Variants in NEMP2 observed in about 807,000 individuals in gnomAD.
NEMP2 encodes the protein UPF0571 transmembrane protein.
NEMP2 carries 53 observed loss-of-function variants against 54.2 expected under a neutral mutation model. The observed-to-expected ratio is 0.98, with a 90% CI of 0.78 to 1.23. The LOEUF is 1.23. NEMP2 is among the 50% of genes most tolerant of loss of function. The pLI is 0.00. For synonymous variants in NEMP2, 197 were observed against 190.3 expected, an observed-to-expected ratio of 1.04 and a Z score of -0.29; for missense variants, 455 against 511.3, an observed-to-expected ratio of 0.89 and a Z score of 1.06.
chr2:190,578,490 C>T, the NEMP2 span, among the ~76,000 whole-genome samples: 2 of 151,678 alleles, frequency 1.3e-5, no homozygotes, highest in East Asian at 1.9e-4. The surrounding 1 kb of genome is among the most constrained non-coding windows in gnomAD (Gnocchi z 4.4). Flanking sequence ...GCAGGTGGGC[C>T]GGGATGAGGT....
Position 190,525,354 on chromosome 2 carries a change from T to G in NEMP2, c.122A>C (p.Glu41Ala), listed in dbSNP as rs1690895573. 6.5e-7 allele frequency: 1 copy of G among 1,548,222 alleles called. No individual in the cohort carries two copies. The highest frequency in any genetic ancestry group is 2.0e-5 in the Admixed American group (1 of 50,938). ...LSVRRCKALK[E>A]KDLIRTSESD... Reference sequence around the variant, plus strand: ...CTCAGACGTTCTAATTAAATCTTTTTCCTTCAAAGCTTTACACCTACGAAC... The same window carrying G: ...CTCAGACGTTCTAATTAAATCTTTTGCCTTCAAAGCTTTACACCTACGAAC... The change falls in exon 2 of 9, where the codon GAA (glutamate) becomes GCA (alanine). Residue 41 changes from glutamate to alanine, a missense_variant. Coordinates refer to ENST00000409150, the MANE Select transcript of NEMP2 (RefSeq NM_001142645.2). This position sits in a 1 kb window ranked among gnomAD's most constrained non-coding sequence, Gnocchi z 5.0.
At chr2:190,603,339 G>A in the NEMP2 span, among the ~76,000 whole-genome samples, 2 of 151,994 alleles carry the variant, frequency 1.3e-5, no homozygotes, top group Non-Finnish European at 2.9e-5. Context: ...TTGACATTCA[G>A]AGATTTTTGA....
the NEMP2 span, among the ~76,000 whole-genome samples, chr2:190,476,971 G>A: frequency 4.3e-4 from 63 of 146,632 alleles, 2 homozygotes; most frequent in African/African-American, 1.3e-3. Context: ...ACCAAACACC[G>A]CATGTTCTCA....
chr2:190,438,075 CATG>C, the NEMP2 span, among the ~76,000 whole-genome samples: 3 of 152,102 alleles, frequency 2.0e-5, no homozygotes, highest in Non-Finnish European at 2.9e-5. The surrounding 1 kb of genome is among the most constrained non-coding windows in gnomAD (Gnocchi z 5.2). Context: ...TCCCTAATTC[CATG>C]ATATTACATG....
chr2:190,579,926 C>A, the NEMP2 span, among the ~76,000 whole-genome samples: 3 of 152,192 alleles, frequency 2.0e-5, no homozygotes, highest in East Asian at 5.8e-4. Context: ...TCAGACATAT[C>A]CCAGGTCTCC....
the NEMP2 span, among the ~76,000 whole-genome samples, chr2:190,578,101 G>A: frequency 6.6e-6 from 1 of 152,088 alleles, no homozygotes; most frequent in Non-Finnish European, 1.5e-5. The surrounding 1 kb of genome is among the most constrained non-coding windows in gnomAD (Gnocchi z 4.4). Flanking sequence ...TATCTTCTGT[G>A]GGGTCTCCTG....
Position 190,525,828 on chromosome 2 carries a change from A to G in NEMP2, c.98-450T>C, listed in dbSNP as rs1690913131. On this transcript the variant is annotated intron_variant, in intron 1 of 8. Transcript: ENST00000409150. This position sits in a 1 kb window ranked among gnomAD's most constrained non-coding sequence, Gnocchi z 5.0. Reference sequence around the variant, plus strand: ...TTCAGTTTAGAGATATTGGATTCTTATATTGGTAAGGGAGCATGGATGGAA... The same window carrying G: ...TTCAGTTTAGAGATATTGGATTCTTGTATTGGTAAGGGAGCATGGATGGAA... Among the ~76,000 whole-genome samples, 1 of 152,184 alleles carries G rather than the reference A, an allele frequency of 6.6e-6. No individual in the cohort carries two copies.
chr2:190,600,255 A>G, the NEMP2 span, among the ~76,000 whole-genome samples: 1 of 152,154 alleles, frequency 6.6e-6, no homozygotes, highest in African/African-American at 2.4e-5. The surrounding 1 kb of genome is among the most constrained non-coding windows in gnomAD (Gnocchi z 4.9). Flanking sequence ...AGGAGAAGGA[A>G]GAAATAGGTT....
chr2:190,525,369 C>T lies in NEMP2; in HGVS notation c.107G>A (p.Cys36Tyr), dbSNP rs774588641. 1.9e-5 allele frequency: 29 copies of T among 1,516,270 alleles called. No individual in the cohort carries two copies. The highest frequency in any genetic ancestry group is 4.9e-5 in the South Asian group (4 of 82,146). 93.9% of individuals were successfully genotyped at this position (1,516,270 alleles called of 1,614,324 possible). A position where few individuals can be genotyped will look rare whatever the true frequency, so the allele number is the denominator to read the frequency against. The change falls in exon 2 of 9, where the codon TGT (cysteine) becomes TAT (tyrosine). Residue 36 changes from cysteine to tyrosine, a missense_variant. Physicochemically the swap from Cys to Tyr is radical, Grantham distance 194. This residue lies in a region of NEMP2 where 100 missense variants were observed against 80.2 expected (regional missense o/e 1.25). Coordinates refer to ENST00000409150, the MANE Select transcript of NEMP2 (RefSeq NM_001142645.2). This position sits in a 1 kb window ranked among gnomAD's most constrained non-coding sequence, Gnocchi z 5.0. ...TAAATCTTTTTCCTTCAAAGCTTTA[C>T]ACCTACGAACTGAGAGATGGAAAAG... The part of the protein sequence containing the change: ...AAAAALSVRR[C>Y]KALKEKDLIR...
chr2:190,438,239 G>A, the NEMP2 span, among the ~76,000 whole-genome samples: 15 of 152,036 alleles, frequency 9.9e-5, no homozygotes, highest in Admixed American at 8.5e-4. The surrounding 1 kb of genome is among the most constrained non-coding windows in gnomAD (Gnocchi z 5.2). Flanking sequence ...TATAGGCTGG[G>A]CACAGTGGCT....
chr2:190,579,847 T>G, the NEMP2 span, among the ~76,000 whole-genome samples: 3 of 152,210 alleles, frequency 2.0e-5, no homozygotes, highest in Non-Finnish European at 4.4e-5. Flanking sequence ...CTTAGTGGAG[T>G]ACTGAAAGAA....
chr2:190,604,874 C>T, the NEMP2 span, among the ~76,000 whole-genome samples: 1 of 152,148 alleles, frequency 6.6e-6, no homozygotes, highest in Non-Finnish European at 1.5e-5. The surrounding 1 kb of genome is among the most constrained non-coding windows in gnomAD (Gnocchi z 4.5). Context: ...CTTCACATGC[C>T]TTGTGACCAA....
chr2:190,541,192 A>G, the NEMP2 span, among the ~76,000 whole-genome samples: 1 of 151,494 alleles, frequency 6.6e-6, no homozygotes, highest in South Asian at 2.1e-4. This position sits in a 1 kb window ranked among gnomAD's most constrained non-coding sequence, Gnocchi z 5.2. Context: ...ATATATATAT[A>G]TATTTGGTCT....
At chr2:190,585,576 G>C in the NEMP2 span, among the ~76,000 whole-genome samples, 2 of 152,198 alleles carry the variant, frequency 1.3e-5, no homozygotes, top group South Asian at 4.1e-4. The surrounding 1 kb of genome is among the most constrained non-coding windows in gnomAD (Gnocchi z 5.3). Flanking sequence ...CATGCCCTTG[G>C]CTAGGTGCCC....
downstream of NEMP2, among the ~76,000 whole-genome samples, chr2:190,499,379 A>G (rs932817479): frequency 5.3e-5 from 8 of 152,122 alleles, no homozygotes; most frequent in African/African-American, 1.9e-4. The surrounding 1 kb of genome is among the most constrained non-coding windows in gnomAD (Gnocchi z 6.0). Context: ...TGTACAACCA[A>G]TATGGCATTT....
chr2:190,428,675 T>A, the NEMP2 span, among the ~76,000 whole-genome samples: 1 of 151,820 alleles, frequency 6.6e-6, no homozygotes, highest in Non-Finnish European at 1.5e-5. Context: ...ATTTATTTAT[T>A]TATTTATTTA....
At chr2:190,642,204 G>GT in the NEMP2 span, among the ~76,000 whole-genome samples, 6 of 151,916 alleles carry the variant, frequency 3.9e-5, no homozygotes, top group Non-Finnish European at 5.9e-5. This position sits in a 1 kb window ranked among gnomAD's most constrained non-coding sequence, Gnocchi z 4.1. Context: ...ACCATCTCGG[G>GT]TTTTTTTTTT....
At chr2:190,548,093 G>A in the NEMP2 span, among the ~76,000 whole-genome samples, 2 of 151,950 alleles carry the variant, frequency 1.3e-5, no homozygotes, top group Non-Finnish European at 2.9e-5. Flanking sequence ...AGGAAAGAGG[G>A]AGGATGTAGA....
rs1004231284 is a variant in NEMP2 at position 190,509,536 on chromosome 2, T to C, written c.1131-224A>G. 1.3e-5 allele frequency among the ~76,000 whole-genome samples: 2 copies of C among 152,210 alleles called. No individual in the cohort carries two copies. The highest frequency in any genetic ancestry group is 6.5e-5 in the Admixed American group (1 of 15,282). The stretch of plus-strand genomic sequence containing the variant: ...AGAATTAGGGCAGATATATAAGCAC[T>C]AAGTAAGCCAAATGTACTCACTCCT... On this transcript the variant is annotated intron_variant, in intron 8 of 8. Coordinates refer to ENST00000409150, the MANE Select transcript of NEMP2 (RefSeq NM_001142645.2). This position sits in a 1 kb window ranked among gnomAD's most constrained non-coding sequence, Gnocchi z 6.1.
Sources: gnomAD v4.1 joint callset for allele counts (sites outside exome capture counted in the v4.1 genomes callset) on GRCh38, gnomAD v4.1.1 for gene constraint, gnomAD v4.1.1 regional missense constraint, Gnocchi (gnomAD v3.1) non-coding constraint, MANE v1.5 for transcripts, NCBI Gene and HGNC (gene_info 2026-07-23, HGNC 2026-07-21) for gene names.